Variants in MCM10 observed in about 807,000 individuals in gnomAD.
The protein encoded by MCM10 is minichromosome maintenance 10 replication initiation factor.
In MCM10, 91 loss-of-function variants were observed where a neutral mutation model predicts 109.9. The observed-to-expected ratio is 0.83, with a 90% CI of 0.70 to 0.99. The LOEUF is 0.99. Among genes scored for constraint, MCM10 ranks in the 50% least tolerant of loss-of-function variants. The pLI is 0.00. For synonymous variants in MCM10, 380 were observed against 387.2 expected, an observed-to-expected ratio of 0.98 and a Z score of 0.22; for missense variants, 1,077 against 1,061.2, an observed-to-expected ratio of 1.01 and a Z score of -0.21.
rs576196750 is a variant in MCM10, at chr10:13,209,406, C to T, written c.*96C>T. On this transcript the variant is annotated 3_prime_UTR_variant, in exon 20 of 20. Coordinates refer to ENST00000378714, the MANE Select transcript of MCM10 (RefSeq NM_018518.5). ...GTATTGTCCATTGATTCCTGATTGA[C>T]GCCGTCAAAAACAAATGCTTGTTAA... 1.4e-5 allele frequency: 14 copies of T among 976,572 alleles called. No homozygotes were observed. The highest frequency in any genetic ancestry group is 3.2e-4 in the Middle Eastern group (1 of 3,082). The allele number at this position is 976,572 out of a possible 1,614,324, so 60.5% of individuals were successfully genotyped here.
chr10:13,201,819 G>A (rs762463176), intron 17 of MCM10: 3 of 338,594 alleles, frequency 8.9e-6, no homozygotes, highest in Non-Finnish European at 1.6e-5. Context: ...CTGGGTCCGC[G>A]TGGCTCTGAC....
chr10:13,183,045 C>G lies in MCM10; in HGVS notation c.1043C>G (p.Thr348Ser). ...GCGCTCTGGAAGACGGAGCAGGGGA[C>G]TGTCGTAGGGATCCTCAATGCCAAC... ...HKALWKTEQGTVVGILNANPM... is the reference protein window; with the variant it reads ...HKALWKTEQGSVVGILNANPM... Residue 348 changes from threonine (T) to serine (S), a missense_variant, in exon 8 of 20, where the codon ACT becomes AGT. By Grantham distance (58) the Thr-to-Ser change is moderately conservative. Coordinates refer to ENST00000378714, the MANE Select transcript of MCM10 (RefSeq NM_018518.5). 1 of 1,614,168 alleles carries G rather than the reference C, an allele frequency of 6.2e-7. No homozygotes were observed. Among genetic ancestry groups the G allele is most frequent in the South Asian group, 1.1e-5 (1 of 91,080 alleles).
rs1013920488 is a variant in MCM10, at chr10:13,210,640, T to C, written c.*1330T>C. 1 of 152,210 alleles carries C rather than the reference T, an allele frequency of 6.6e-6. No individual in the cohort carries two copies. Among genetic ancestry groups the C allele is most frequent in the African/African-American group, 2.4e-5 (1 of 41,464 alleles). The allele number at this position is 152,210 out of a possible 1,614,324, so 9.4% of individuals were successfully genotyped here. A position where few individuals can be genotyped will look rare whatever the true frequency, so the allele number is the denominator to read the frequency against. On this transcript the variant is annotated 3_prime_UTR_variant, in exon 20 of 20. Transcript: ENST00000378714. ...CCTTAGATTTCATAAAATTCTGCTC[T>C]AATTGGGTGGAAGGTGCTGTATCTA...
chr10:13,179,433 A>G (rs1246375954), intron 6 of MCM10, among the ~76,000 whole-genome samples: 1 of 152,300 alleles, frequency 6.6e-6, no homozygotes, highest in South Asian at 2.1e-4. Flanking sequence ...TCACACTACA[A>G]TCACAGAAAT....
chr10:13,195,633 A>G (rs1834409892), intron 14 of MCM10: 1 of 142,054 alleles, frequency 7.0e-6, no homozygotes, highest in African/African-American at 2.5e-5. Context: ...TTTTTTGAGA[A>G]GGAGTCTCAC....
intron 18 of MCM10, among the ~76,000 whole-genome samples, chr10:13,205,887 G>A (rs1042231115): frequency 2.6e-5 from 4 of 152,174 alleles, no homozygotes; most frequent in Non-Finnish European, 5.9e-5. Flanking sequence ...CAGAGCTGCC[G>A]TGTTTGACAG....
intron 5 of MCM10, among the ~76,000 whole-genome samples, chr10:13,173,932 A>G (rs144885632): frequency 7.6e-4 from 116 of 152,262 alleles, no homozygotes; most frequent in African/African-American, 2.6e-3. Flanking sequence ...AGAGAGTGAT[A>G]TTTTATTAAG....
chr10:13,180,882 G>C (rs1414975192), intron 7 of MCM10, among the ~76,000 whole-genome samples: 1 of 152,154 alleles, frequency 6.6e-6, no homozygotes, highest in African/African-American at 2.4e-5. Context: ...TGACACATGT[G>C]GTTGTCCCTG....
chr10:13,207,926 A>C (rs1834605465), intron 18 of MCM10, among the ~76,000 whole-genome samples: 1 of 151,966 alleles, frequency 6.6e-6, no homozygotes, highest in African/African-American at 2.4e-5. Flanking sequence ...CCCCACCCCA[A>C]CCCTCTGAAA....
At chr10:13,166,661 CATATAT>C (rs60500036) in intron 2 of MCM10, among the ~76,000 whole-genome samples, 14,524 of 89,622 alleles carry the variant, frequency 0.16, 1,126 homozygotes, top group Non-Finnish European at 0.19. Flanking sequence ...TACATACATA[CATATAT>C]ATATATATAT....
chr10:13,163,003 C>T lies in MCM10; in HGVS notation c.-75-1125C>T, dbSNP rs569294833. ...CTGAGGCAGGAGAATGGCGTGAACC[C>T]GGGAGGCGGAGCTTGCAGTGAGCCA... On this transcript the variant is annotated intron_variant, in intron 1 of 19. Transcript: ENST00000378714. Among the ~76,000 whole-genome samples, 1,037 of 151,212 alleles carry T rather than the reference C, an allele frequency of 6.9e-3. 9 individuals carry two copies. Among genetic ancestry groups the T allele is most frequent in the Middle Eastern group, 0.027 (8 of 294 alleles).
chr10:13,197,200 A>G (rs1000656443), intron 14 of MCM10, among the ~76,000 whole-genome samples: 3 of 152,170 alleles, frequency 2.0e-5, no homozygotes, highest in South Asian at 2.1e-4. Context: ...TGGGTTTACA[A>G]TGAGCTACCA....
intron 5 of MCM10, among the ~76,000 whole-genome samples, chr10:13,173,771 G>T (rs1456884942): frequency 2.0e-5 from 3 of 152,204 alleles, no homozygotes; most frequent in East Asian, 3.9e-4. Context: ...GCATTACTAG[G>T]GTGTTGCATT....
chr10:13,166,196 A>G (rs1419080815), intron 2 of MCM10, among the ~76,000 whole-genome samples: 2 of 152,104 alleles, frequency 1.3e-5, no homozygotes, highest in African/African-American at 4.8e-5. Flanking sequence ...GAAGCTGAGA[A>G]GTGGGACCCA....
In MCM10 at chr10:13,195,491, T is replaced by G. The variant is rs184862823; in HGVS notation, c.1974+222T>G. ...AGGTAGCCTAGAGGAAGATAGTGTT[T>G]TATAACCAGAGGCATTGACAGTAGG... On this transcript the variant is annotated intron_variant, in intron 14 of 19. Coordinates refer to ENST00000378714, the MANE Select transcript of MCM10 (RefSeq NM_018518.5). 2,436 of 407,564 alleles carry G rather than the reference T, an allele frequency of 6.0e-3. 19 individuals carry two copies. Among genetic ancestry groups the G allele is most frequent in the Non-Finnish European group, 7.6e-3 (1,742 of 227,876 alleles). The allele number at this position is 407,564 out of a possible 1,614,324, so 25.2% of individuals were successfully genotyped here. A position where few individuals can be genotyped will look rare whatever the true frequency, so the allele number is the denominator to read the frequency against.
At chr10:13,180,342 G>A in intron 6 of MCM10, 100 bp from the exon 7 acceptor site, 1 of 949,634 alleles carries the variant, frequency 1.1e-6, no homozygotes, top group Non-Finnish European at 1.6e-6. Flanking sequence ...AACAGGTACT[G>A]TAGAGGTTTC....
At chr10:13,177,166 A>T (rs114450321) in intron 6 of MCM10, among the ~76,000 whole-genome samples, 13 of 152,292 alleles carry the variant, frequency 8.5e-5, no homozygotes, top group Admixed American at 3.3e-4. Flanking sequence ...TGTGAATCAG[A>T]ATTGAGATAG....
intron 6 of MCM10, among the ~76,000 whole-genome samples, chr10:13,178,377 C>T (rs898381130): frequency 6.6e-6 from 1 of 152,324 alleles, no homozygotes; most frequent in South Asian, 2.1e-4. Context: ...GCGTGAGCCA[C>T]GGTGCCCAGC....
At chr10:13,175,435 G>A (rs535301327) in intron 5 of MCM10, 75 bp from the exon 6 acceptor site, 40 of 1,325,176 alleles carry the variant, frequency 3.0e-5, no homozygotes, top group East Asian at 9.4e-5. Flanking sequence ...GAACAAATCC[G>A]TAAAAACAAA....
Sources: allele counts gnomAD v4.1 joint callset (sites outside exome capture counted in the v4.1 genomes callset), GRCh38; gene constraint gnomAD v4.1.1; transcripts MANE v1.5; gene names NCBI Gene and HGNC (gene_info 2026-07-23, HGNC 2026-07-21).